ANKRD18B: variants seen among roughly 807,000 people sequenced by gnomAD.
The protein encoded by ANKRD18B is ankyrin repeat domain 18B.
A neutral mutation model predicts 111.8 loss-of-function variants in ANKRD18B; 75 were observed. That is an observed-to-expected ratio of 0.67 (90% CI 0.56 to 0.81). ANKRD18B has a LOEUF of 0.81. Ranked by LOEUF, ANKRD18B falls within the 40% of genes least tolerant of loss-of-function variation. The pLI is 0.00. For synonymous variants in ANKRD18B, 356 were observed against 417.3 expected (o/e 0.85, Z 1.79); for missense variants, 1,038 against 1,225.5 (o/e 0.85, Z 2.28).
chr9:33,549,186 C>T (rs1296244560), intron 11 of ANKRD18B, among the ~76,000 whole-genome samples: 1 of 151,396 alleles, frequency 6.6e-6, no homozygotes, highest in African/African-American at 2.4e-5. Flanking sequence ...TTTGTTAAAA[C>T]AGATAAATTC....
intron 14 of ANKRD18B, among the ~76,000 whole-genome samples, chr9:33,562,842 G>A (rs192970330): frequency 0.1 from 15,208 of 151,862 alleles, 740 homozygotes; most frequent in African/African-American, 0.12. Flanking sequence ...AATGAAAATC[G>A]AATACTAGAT....
chr9:33,548,878 C>T lies in ANKRD18B; in HGVS notation c.2067+23C>T, dbSNP rs570896404. 1,030 of 1,446,532 alleles carry T rather than the reference C, an allele frequency of 7.1e-4. 6 individuals are homozygous for T. The highest frequency in any genetic ancestry group is 1.9e-4 in the Non-Finnish European group (207 of 1,099,308). The allele number at this position is 1,446,532 out of a possible 1,614,324, so 89.6% of individuals were successfully genotyped here. A position where few individuals can be genotyped will look rare whatever the true frequency, so the allele number is the denominator to read the frequency against. On this transcript the variant is annotated intron_variant, in intron 11 of 18. Transcript: ENST00000684830. ...GAAGTAAGTATGAAGAAAACTATAA[C>T]CTTCTGGAAAGAAAATTTAAACATT...
intron 14 of ANKRD18B, 24 bp downstream of exon 14, chr9:33,558,211 A>G: frequency 1.9e-6 from 3 of 1,585,814 alleles, no homozygotes; most frequent in Non-Finnish European, 2.6e-6. Flanking sequence ...TTATTATTTT[A>G]TCTTAAGGTC....
At chr9:33,544,780 T>A (rs1466647060) in intron 10 of ANKRD18B, among the ~76,000 whole-genome samples, 1 of 152,046 alleles carries the variant, frequency 6.6e-6, no homozygotes, top group African/African-American at 2.4e-5. Flanking sequence ...GAGGTTGTGT[T>A]GAGCCAAGAT....
At chr9:33,532,158 C>T (rs1379207621) in intron 3 of ANKRD18B, among the ~76,000 whole-genome samples, 7 of 151,906 alleles carry the variant, frequency 4.6e-5, no homozygotes, top group Admixed American at 2.6e-4. Flanking sequence ...GGCATGAACT[C>T]GGGAGGTGGA....
In ANKRD18B at chr9:33,571,305, ATG is replaced by A; in HGVS notation, c.3223+16_3223+17del. The A allele has an allele frequency of 8.8e-7, 1 of 1,138,510 alleles. No homozygotes were observed. Among genetic ancestry groups the A allele is most frequent in the Non-Finnish European group, 1.1e-6 (1 of 895,444 alleles). 70.5% of individuals were successfully genotyped at this position (1,138,510 alleles called of 1,614,324 possible). On this transcript the variant is annotated intron_variant, in intron 18 of 18. Transcript: ENST00000684830. ...AAACAAAGAAAAGTATGTTGCCAAA[ATG>A]TATTAATTAAATTTAGGTTTATTTT...
rs575226518 is a variant in ANKRD18B, at chr9:33,558,142, A to C, written c.2415A>C (p.Thr805=). The C allele has an allele frequency of 1.9e-6, 3 of 1,611,528 alleles. No individual in the cohort carries two copies. Among genetic ancestry groups the C allele is most frequent in the Admixed American group, 3.4e-5 (2 of 59,644 alleles). ...EDFSCHGDLN[T]DQLKMDILFK... ...TCAGTTGCCATGGAGACTTAAATAC[A>C]GACCAACTGAAAATGGATATTCTGT... The change falls in exon 14 of 19, where the codon ACA becomes ACC. Residue 805 remains threonine, a synonymous_variant. Transcript: ENST00000684830.
At chr9:33,539,245 G>A (rs1014180313) in intron 6 of ANKRD18B, among the ~76,000 whole-genome samples, 5 of 152,086 alleles carry the variant, frequency 3.3e-5, no homozygotes, top group African/African-American at 1.2e-4. Flanking sequence ...ATGTCATCTG[G>A]GAGCTTATAG....
chr9:33,567,627 A>G (rs968126469), intron 16 of ANKRD18B, among the ~76,000 whole-genome samples: 4 of 152,204 alleles, frequency 2.6e-5, no homozygotes, highest in African/African-American at 9.6e-5. Flanking sequence ...ATCTTGTTAT[A>G]AAATTACTTG....
intron 14 of ANKRD18B, among the ~76,000 whole-genome samples, chr9:33,560,753 G>A (rs1344347439): frequency 2.0e-5 from 3 of 152,240 alleles, no homozygotes; most frequent in African/African-American, 7.2e-5. Context: ...GAGGTCAGGA[G>A]TTCAAGAGCA....
chr9:33,531,911 A>G (rs918167806), intron 3 of ANKRD18B, among the ~76,000 whole-genome samples: 15 of 152,060 alleles, frequency 9.9e-5, no homozygotes, highest in Non-Finnish European at 2.2e-4. Flanking sequence ...TGCAGACATT[A>G]TATCTTTCTT....
intron 10 of ANKRD18B, among the ~76,000 whole-genome samples, chr9:33,547,063 C>A (rs1269303707): frequency 2.6e-5 from 4 of 152,128 alleles, no homozygotes; most frequent in African/African-American, 9.7e-5. Flanking sequence ...TATCTTAGTG[C>A]AGAAAAGGGA....
chr9:33,541,359 C>T (rs1163826158), intron 9 of ANKRD18B, 132 bp downstream of exon 9: 3 of 1,300,444 alleles, frequency 2.3e-6, no homozygotes, highest in Admixed American at 3.1e-5. Flanking sequence ...ACAAGGTTTT[C>T]ACCCATCCAT....
At chr9:33,560,809 A>T (rs1166175838) in intron 14 of ANKRD18B, among the ~76,000 whole-genome samples, 1 of 152,074 alleles carries the variant, frequency 6.6e-6, no homozygotes, top group African/African-American at 2.4e-5. Flanking sequence ...AAATACAAAA[A>T]TTAGCTGGGC....
At chr9:33,562,787 G>T (rs1828625842) in intron 14 of ANKRD18B, among the ~76,000 whole-genome samples, 2 of 152,050 alleles carry the variant, frequency 1.3e-5, no homozygotes. Flanking sequence ...AAGAGTAAAA[G>T]TCATTCCATA....
chr9:33,547,721 T>A (rs1326902480), intron 10 of ANKRD18B, among the ~76,000 whole-genome samples: 1 of 141,552 alleles, frequency 7.1e-6, no homozygotes, highest in Non-Finnish European at 1.6e-5. Flanking sequence ...TGTGTGTGTG[T>A]GTGTTTTATG....
intron 10 of ANKRD18B, 89 bp downstream of exon 10, chr9:33,543,344 G>A (rs1017045850): frequency 2.8e-6 from 3 of 1,082,522 alleles, no homozygotes; most frequent in African/African-American, 1.6e-5. Context: ...TGACCTTTTA[G>A]ACTATCCTTT....
intron 1 of ANKRD18B, among the ~76,000 whole-genome samples, chr9:33,525,499 G>A (rs1828013219): frequency 6.6e-6 from 1 of 152,056 alleles, no homozygotes; most frequent in Non-Finnish European, 1.5e-5. Flanking sequence ...GAAATTTTAT[G>A]TCACAAAAAT....
chr9:33,567,637 G>A (rs117590970), intron 16 of ANKRD18B, among the ~76,000 whole-genome samples: 7,902 of 152,012 alleles, frequency 0.052, 260 homozygotes, highest in South Asian at 0.099. Flanking sequence ...AAAATTACTT[G>A]TCAGAATTTT....
Sources: gnomAD v4.1 joint callset for allele counts (sites outside exome capture counted in the v4.1 genomes callset) on GRCh38, gnomAD v4.1.1 for gene constraint, MANE v1.5 for transcripts, NCBI Gene and HGNC (gene_info 2026-07-23, HGNC 2026-07-21) for gene names.